MAP2K6: variants seen among roughly 807,000 people sequenced by gnomAD.
MAP2K6 encodes the protein dual specificity mitogen-activated protein kinase kinase 6.
Under a neutral mutation model 53.7 loss-of-function variants are expected in MAP2K6, and 16 were observed. The observed-to-expected ratio is 0.30, with a 90% CI of 0.20 to 0.45. The LOEUF is 0.45. Among genes scored for constraint, MAP2K6 ranks in the 20% least tolerant of loss-of-function variants. The pLI, the probability that MAP2K6 is intolerant of heterozygous loss-of-function variation, is 1.00. For missense variants in MAP2K6, 204 were observed against 411.9 expected (o/e 0.50, Z 4.37); for synonymous variants, 132 against 143.1 (o/e 0.92, Z 0.55).
chr17:69,509,679 A>G (rs1909708112), intron 2 of MAP2K6, among the ~76,000 whole-genome samples: 1 of 152,112 alleles, frequency 6.6e-6, no homozygotes. Flanking sequence ...AGTTCATGAG[A>G]GCAGGCAAAC....
chr17:69,513,738 G>A (rs1434890020), intron 2 of MAP2K6, among the ~76,000 whole-genome samples: 4 of 152,088 alleles, frequency 2.6e-5, no homozygotes, highest in African/African-American at 4.8e-5. Context: ...TATTAGACTT[G>A]GAAGAACTCA....
chr17:69,414,888 AC>A lies in MAP2K6; in HGVS notation c.-96del. 2 of 1,118,474 alleles carry A rather than the reference AC, an allele frequency of 1.8e-6. No homozygotes were observed. The highest frequency in any genetic ancestry group is 3.9e-5 in the Admixed American group (2 of 51,586). 69.3% of individuals were successfully genotyped at this position (1,118,474 alleles called of 1,614,324 possible). On this transcript the variant is annotated 5_prime_UTR_variant, in exon 1 of 12. An upstream open reading frame in the 5' UTR loses its in-frame stop. Transcript: ENST00000590474. ...GAAACTCCACTTGCATGAAGATTGC[AC>A]GCCTGCAGCTTGCATCTTTGTTGCA...
At position 69,552,383 on chromosome 17, in the gene MAP2K6, T is replaced by G. The variant is rs1323325296; in HGVS notation, c.*10630T>G. 6.6e-6 allele frequency: 1 copy of G among 152,230 alleles called. No individual in the cohort carries two copies. Among genetic ancestry groups the G allele is most frequent in the African/African-American group, 2.4e-5 (1 of 41,454 alleles). The allele number at this position is 152,230 out of a possible 1,614,324, so 9.4% of individuals were successfully genotyped here. On this transcript the variant is annotated 3_prime_UTR_variant, in exon 12 of 12. Coordinates refer to ENST00000590474, the MANE Select transcript of MAP2K6 (RefSeq NM_002758.4). ...TTTAAAATAAAAGAATGAATGCTAT[T>G]CAGTGGATTCCCTCATTGAGGCTCC... is the stretch of plus-strand genomic sequence containing the variant.
chr17:69,450,219 C>T (rs1907173682), intron 1 of MAP2K6, among the ~76,000 whole-genome samples: 1 of 151,660 alleles, frequency 6.6e-6, no homozygotes, highest in Admixed American at 6.6e-5. Context: ...TGCCAAAGTG[C>T]TGGGATTGCA....
At chr17:69,458,119 T>C (rs768529254) in intron 1 of MAP2K6, among the ~76,000 whole-genome samples, 5 of 152,152 alleles carry the variant, frequency 3.3e-5, no homozygotes, top group Admixed American at 6.5e-5. Flanking sequence ...AATGGTGCCA[T>C]CTAGGCTCAC....
Position 69,529,436 on chromosome 17 carries a change from A to G in MAP2K6, c.881+2727A>G, listed in dbSNP as rs1298442805. ...TTTCTCTTACTGGAATTTTCTCCGA[A>G]GAATCAGAGCATTGAAACTTTTTAG... On this transcript the variant is annotated intron_variant, in intron 10 of 11. Transcript: ENST00000590474. Among the ~76,000 whole-genome samples, 3 of 152,256 alleles carry G rather than the reference A, an allele frequency of 2.0e-5. No individual in the cohort carries two copies. The East Asian group carries it at 5.8e-4, about 29-fold the overall frequency.
intron 1 of MAP2K6, among the ~76,000 whole-genome samples, chr17:69,455,068 G>C (rs1316234130): frequency 6.6e-6 from 1 of 151,272 alleles, no homozygotes; most frequent in Non-Finnish European, 1.5e-5. Context: ...GGGAGGTAAG[G>C]GTACAATGTT....
chr17:69,537,951 A>T (rs1911434646), intron 11 of MAP2K6, among the ~76,000 whole-genome samples: 2 of 152,330 alleles, frequency 1.3e-5, no homozygotes, highest in East Asian at 3.9e-4. Context: ...TTTAAAATTA[A>T]TTTCATATAA....
At chr17:69,464,639 C>T (rs1679979249) in intron 1 of MAP2K6, among the ~76,000 whole-genome samples, 1 of 152,158 alleles carries the variant, frequency 6.6e-6, no homozygotes, top group Admixed American at 6.5e-5. Context: ...ATCTCAGTCC[C>T]CCGAAGTGCT....
At chr17:69,451,943 C>T (rs1172874262) in intron 1 of MAP2K6, among the ~76,000 whole-genome samples, 1 of 152,068 alleles carries the variant, frequency 6.6e-6, no homozygotes, top group Non-Finnish European at 1.5e-5. Context: ...TGTATGAGAT[C>T]CCTGGAGGTG....
chr17:69,418,591 T>C (rs1905977498), intron 1 of MAP2K6, among the ~76,000 whole-genome samples: 1 of 152,216 alleles, frequency 6.6e-6, no homozygotes. Flanking sequence ...GTCTATTTCG[T>C]TCCCTCTTGT....
At position 69,543,812 on chromosome 17, in the gene MAP2K6, G is replaced by A. The variant is rs971265581; in HGVS notation, c.*2059G>A. The A allele has an allele frequency of 3.9e-5, 6 of 152,108 alleles. No individual in the cohort carries two copies. Among genetic ancestry groups the A allele is most frequent in the African/African-American group, 1.2e-4 (5 of 41,418 alleles). The allele number at this position is 152,108 out of a possible 1,614,324, so 9.4% of individuals were successfully genotyped here. A position where few individuals can be genotyped will look rare whatever the true frequency, so the allele number is the denominator to read the frequency against. On this transcript the variant is annotated 3_prime_UTR_variant, in exon 12 of 12. Transcript: ENST00000590474. Reference sequence around the variant, plus strand: ...AAACAGAATGTGTAACTTCTCATATGTATGCCTCTCCCATCTGTGAACCTA... The same window carrying A: ...AAACAGAATGTGTAACTTCTCATATATATGCCTCTCCCATCTGTGAACCTA...
intron 1 of MAP2K6, among the ~76,000 whole-genome samples, chr17:69,504,831 T>C (rs1347958210): frequency 1.3e-5 from 2 of 152,222 alleles, no homozygotes; most frequent in Non-Finnish European, 2.9e-5. Flanking sequence ...GAAGAAGTTA[T>C]AACTTCCTTG....
At position 69,549,912 on chromosome 17, in the gene MAP2K6, T is replaced by G. The variant is rs2144892173; in HGVS notation, c.*8159T>G. 1 of 151,970 alleles carries G rather than the reference T, an allele frequency of 6.6e-6. No individual in the cohort carries two copies. Among genetic ancestry groups the G allele is most frequent in the Admixed American group, 6.6e-5 (1 of 15,246 alleles). 9.4% of individuals were successfully genotyped at this position (151,970 alleles called of 1,614,324 possible). On this transcript the variant is annotated 3_prime_UTR_variant, in exon 12 of 12. Transcript: ENST00000590474. ...AGTCATGTTTGGGGGCTGGAAGAAG[T>G]GATAAATGCAAAGGTTGGTGCTAAA... is the stretch of plus-strand genomic sequence containing the variant.
chr17:69,517,877 C>T (rs1223845093), intron 4 of MAP2K6, among the ~76,000 whole-genome samples: 2 of 152,040 alleles, frequency 1.3e-5, no homozygotes, highest in African/African-American at 2.4e-5. Context: ...ACAAAACTAC[C>T]ATGTCATCAT....
Position 69,547,313 on chromosome 17 carries a change from C to G in MAP2K6, c.*5560C>G, listed in dbSNP as rs546024383. 1 of 152,268 alleles carries G rather than the reference C, an allele frequency of 6.6e-6. No individual in the cohort carries two copies. The highest frequency in any genetic ancestry group is 6.5e-5 in the Admixed American group (1 of 15,300). The allele number at this position is 152,268 out of a possible 1,614,324, so 9.4% of individuals were successfully genotyped here. A position where few individuals can be genotyped will look rare whatever the true frequency, so the allele number is the denominator to read the frequency against. On this transcript the variant is annotated 3_prime_UTR_variant, in exon 12 of 12. Coordinates refer to ENST00000590474, the MANE Select transcript of MAP2K6 (RefSeq NM_002758.4). Reference sequence around the variant, plus strand: ...TTGGCAAACTTTTTCTGTATAGGACCAGATAGTAAATATTTTTGGCTTTGT... The same window carrying G: ...TTGGCAAACTTTTTCTGTATAGGACGAGATAGTAAATATTTTTGGCTTTGT...
chr17:69,529,416 C>T (rs192922655), intron 10 of MAP2K6, among the ~76,000 whole-genome samples: 12 of 151,456 alleles, frequency 7.9e-5, no homozygotes, highest in African/African-American at 2.9e-4. Flanking sequence ...TATTTTTTCT[C>T]TTACTGGAAT....
chr17:69,520,878 T>C (rs1910430273), intron 6 of MAP2K6, 171 bp from the exon 7 acceptor site: 2 of 538,276 alleles, frequency 3.7e-6, no homozygotes, highest in Non-Finnish European at 6.6e-6. Context: ...CTCTGGTGGA[T>C]GGAGTCCAAT....
intron 2 of MAP2K6, among the ~76,000 whole-genome samples, chr17:69,508,053 T>TA (rs1909613278): frequency 2.8e-5 from 2 of 71,682 alleles, no homozygotes; most frequent in African/African-American, 1.2e-4. Context: ...TTTTTTTTTT[T>TA]TTTTTTTTTT....
Sources: allele counts gnomAD v4.1 joint callset (sites outside exome capture counted in the v4.1 genomes callset), GRCh38; gene constraint gnomAD v4.1.1; transcripts MANE v1.5; gene names NCBI Gene and HGNC (gene_info 2026-07-23, HGNC 2026-07-21).